The following LRRFIP2 variants were observed in gnomAD, a reference collection of about 807,000 sequenced individuals.
LRRFIP2 encodes leucine-rich repeat flightless-interacting protein 2.
LRRFIP2 carries 109 observed loss-of-function variants against 125.9 expected under a neutral mutation model. That is an observed-to-expected ratio of 0.87 (90% CI 0.74 to 1.01). LRRFIP2 has a LOEUF of 1.01. Ranked by LOEUF, LRRFIP2 falls within the 50% of genes least tolerant of loss-of-function variation. The pLI is 0.00. For missense variants in LRRFIP2, 850 were observed against 862.3 expected (o/e 0.99, Z 0.18); for synonymous variants, 291 against 293.1 (o/e 0.99, Z 0.07).
rs1475116675 is a variant in LRRFIP2 at position 37,172,909 on chromosome 3, T to C, written c.-56+1630A>G. ...CTGAAGTTTTAAAAGTTGAGTTTTA[T>C]TGGCCGGGCGTGGTGGCTCATCCCT... On this transcript the variant is annotated intron_variant, in intron 1 of 27. Coordinates refer to ENST00000336686, the MANE Select transcript of LRRFIP2 (RefSeq NM_006309.4). 5 of 152,310 alleles carry C rather than the reference T, an allele frequency of 3.3e-5. No homozygotes were observed. In the South Asian group the frequency reaches 1.0e-3, roughly 32 times the overall value. 9.4% of individuals were successfully genotyped at this position (152,310 alleles called of 1,614,324 possible). A position where few individuals can be genotyped will look rare whatever the true frequency, so the allele number is the denominator to read the frequency against.
intron 24 of LRRFIP2, among the ~76,000 whole-genome samples, chr3:37,061,256 A>G (rs2088610061): frequency 6.6e-6 from 1 of 152,114 alleles, no homozygotes. Flanking sequence ...AGGTGGGTGG[A>G]TCACCTAAGG....
intron 2 of LRRFIP2, among the ~76,000 whole-genome samples, chr3:37,138,505 C>A (rs1272214339): frequency 6.6e-6 from 1 of 152,176 alleles, no homozygotes; most frequent in Non-Finnish European, 1.5e-5. Flanking sequence ...TAATGAACCA[C>A]AAATAAGTGT....
At chr3:37,155,524 G>A (rs564665145) in intron 1 of LRRFIP2, among the ~76,000 whole-genome samples, 2 of 152,162 alleles carry the variant, frequency 1.3e-5, no homozygotes, top group African/African-American at 4.8e-5. Context: ...AAGGTACTTT[G>A]TATTCAAAGT....
At chr3:37,107,694 C>T (rs565824716) in intron 13 of LRRFIP2, among the ~76,000 whole-genome samples, 5 of 152,010 alleles carry the variant, frequency 3.3e-5, no homozygotes, top group African/African-American at 9.7e-5. Context: ...CTGATAGAAG[C>T]GCTGGCAAGC....
At chr3:37,137,997 T>C (rs541862957) in intron 2 of LRRFIP2, among the ~76,000 whole-genome samples, 2 of 152,342 alleles carry the variant, frequency 1.3e-5, no homozygotes, top group East Asian at 3.8e-4. Context: ...ATAGGCTCTT[T>C]GTACTTTCAC....
At chr3:37,085,811 T>C (rs2093005988) in intron 18 of LRRFIP2, among the ~76,000 whole-genome samples, 1 of 152,068 alleles carries the variant, frequency 6.6e-6, no homozygotes. Flanking sequence ...CTCGAACTCC[T>C]GACCTCATGA....
intron 4 of LRRFIP2, among the ~76,000 whole-genome samples, chr3:37,126,630 G>C (rs535995343): frequency 2.1e-4 from 32 of 151,706 alleles, no homozygotes; most frequent in Middle Eastern, 3.4e-3. Flanking sequence ...AGGCCGAGGC[G>C]GGCGGATCAC....
chr3:37,077,222 T>C (rs1470510114), intron 19 of LRRFIP2, among the ~76,000 whole-genome samples: 1 of 152,188 alleles, frequency 6.6e-6, no homozygotes, highest in Non-Finnish European at 1.5e-5. Context: ...AAAAGACCTA[T>C]GCAGTATGTT....
intron 2 of LRRFIP2, among the ~76,000 whole-genome samples, chr3:37,138,220 T>C (rs1206440744): frequency 1.3e-5 from 2 of 152,228 alleles, no homozygotes; most frequent in African/African-American, 4.8e-5. Context: ...GATATTTAAA[T>C]TTGGATTTTG....
chr3:37,087,367 TG>T (rs2093123737), intron 18 of LRRFIP2, among the ~76,000 whole-genome samples: 1 of 152,152 alleles, frequency 6.6e-6, no homozygotes, highest in Non-Finnish European at 1.5e-5. Flanking sequence ...CACAACTCAG[TG>T]CCATATAAAA....
intron 18 of LRRFIP2, among the ~76,000 whole-genome samples, chr3:37,087,790 T>A (rs1487322575): frequency 6.6e-6 from 1 of 152,136 alleles, no homozygotes. Flanking sequence ...GGTTTCACCA[T>A]GTTGGCCAGG....
chr3:37,055,544 A>G (rs1244163387), intron 25 of LRRFIP2, among the ~76,000 whole-genome samples: 1 of 152,120 alleles, frequency 6.6e-6, no homozygotes, highest in Non-Finnish European at 1.5e-5. Context: ...CCAGCCTGGC[A>G]ACAGAGCGAT....
intron 14 of LRRFIP2, 59 bp downstream of exon 14, chr3:37,105,396 A>G: frequency 7.4e-7 from 1 of 1,344,778 alleles, no homozygotes; most frequent in Admixed American, 1.7e-5. Flanking sequence ...ACTTCATGTG[A>G]TCATGCATTG....
chr3:37,167,900 C>T (rs972324205), intron 1 of LRRFIP2, among the ~76,000 whole-genome samples: 2 of 152,060 alleles, frequency 1.3e-5, no homozygotes, highest in East Asian at 3.8e-4. Context: ...CACTTAAGCC[C>T]GGGAGGTCAA....
At chr3:37,096,766 C>G in intron 15 of LRRFIP2, 106 bp from the exon 16 acceptor site, 1 of 582,862 alleles carries the variant, frequency 1.7e-6, no homozygotes. Flanking sequence ...ATGTTTGAAG[C>G]CTAAAAATAA....
chr3:37,126,028 GTTGT>G lies in LRRFIP2; in HGVS notation c.228+1598_228+1601del, dbSNP rs57103534. On this transcript the variant is annotated intron_variant, in intron 4 of 27. Transcript: ENST00000336686. ...AATCAGTTTTTTTGTTGTTGTTGTT[GTTGT>G]TTGTTTGTTTGTTTGAGACACAGTC... is the stretch of plus-strand genomic sequence containing the variant. Among the ~76,000 whole-genome samples the G allele has an allele frequency of 8.3e-3, 1,252 of 151,204 alleles. 10 individuals are homozygous for G. Among genetic ancestry groups the G allele is most frequent in the African/African-American group, 0.028 (1,138 of 41,006 alleles).
intron 21 of LRRFIP2, among the ~76,000 whole-genome samples, chr3:37,068,968 CT>C (rs1454969784): frequency 6.6e-6 from 1 of 152,176 alleles, no homozygotes; most frequent in Admixed American, 6.5e-5. Context: ...GGACATATTT[CT>C]TCATTAAGTT....
chr3:37,154,812 A>G (rs2096134506), intron 1 of LRRFIP2, among the ~76,000 whole-genome samples: 2 of 152,240 alleles, frequency 1.3e-5, no homozygotes, highest in Admixed American at 1.3e-4. Flanking sequence ...TGCATGTAGC[A>G]TCAGTATGTC....
intron 1 of LRRFIP2, among the ~76,000 whole-genome samples, chr3:37,159,316 T>C (rs2096274958): frequency 6.6e-6 from 1 of 152,234 alleles, no homozygotes; most frequent in South Asian, 2.1e-4. Flanking sequence ...GTTTACTTTC[T>C]GGATACTTAA....
Sources: gnomAD v4.1 joint callset for allele counts (sites outside exome capture counted in the v4.1 genomes callset) on GRCh38, gnomAD v4.1.1 for gene constraint, MANE v1.5 for transcripts, NCBI Gene and HGNC (gene_info 2026-07-23, HGNC 2026-07-21) for gene names.